DENND11: variants seen among roughly 807,000 people sequenced by gnomAD.
DENND11 encodes the protein DENN domain containing 11.
A neutral mutation model predicts 49.2 loss-of-function variants in DENND11; 34 were observed. The observed-to-expected ratio is 0.69, with a 90% CI of 0.53 to 0.92. DENND11 has a LOEUF of 0.92. Among genes scored for constraint, DENND11 ranks in the 40% least tolerant of loss-of-function variants. The pLI, the probability that DENND11 is intolerant of heterozygous loss-of-function variation, is 0.00. For synonymous variants in DENND11, 238 were observed against 230.3 expected, an observed-to-expected ratio of 1.03 and a Z score of -0.30; for missense variants, 475 against 581.6, an observed-to-expected ratio of 0.82 and a Z score of 1.88.
rs1293887596 is a variant in DENND11 at position 141,702,163 on chromosome 7, A to AGGCGGAGCCGCGGGCGCGAGG, written c.-11_-10insCCTCGCGCCCGCGGCTCCGCC. 3 of 940,554 alleles carry AGGCGGAGCCGCGGGCGCGAGG rather than the reference A, an allele frequency of 3.2e-6. No homozygotes were observed. Among genetic ancestry groups the AGGCGGAGCCGCGGGCGCGAGG allele is most frequent in the East Asian group, 1.2e-4 (1 of 8,578 alleles). 58.3% of individuals were successfully genotyped at this position (940,554 alleles called of 1,614,324 possible). A position where few individuals can be genotyped will look rare whatever the true frequency, so the allele number is the denominator to read the frequency against. On this transcript the variant is annotated 5_prime_UTR_variant, in exon 1 of 9. Coordinates refer to ENST00000536163, the MANE Select transcript of DENND11 (RefSeq NM_001080392.2). ...CTCCCTGCTCCACCATGGCTAGGCG[A>AGGCGGAGCCGCGGGCGCGAGG]GGCGGAGCCGCGGGCGCGAGGGGCG...
intron 3 of DENND11, among the ~76,000 whole-genome samples, chr7:141,681,801 C>G (rs1798150677): frequency 6.6e-6 from 1 of 152,166 alleles, no homozygotes; most frequent in Non-Finnish European, 1.5e-5. Context: ...TAAAGCTGTA[C>G]AGCCTCAAGA....
chr7:141,679,161 G>A (rs539516583), intron 3 of DENND11, among the ~76,000 whole-genome samples: 5 of 152,246 alleles, frequency 3.3e-5, no homozygotes, highest in East Asian at 3.9e-4. Context: ...ATCTAACTGT[G>A]CTTCTTTCTT....
At chr7:141,670,347 G>A (rs894547736) in intron 4 of DENND11, among the ~76,000 whole-genome samples, 1 of 152,032 alleles carries the variant, frequency 6.6e-6, no homozygotes, top group African/African-American at 2.4e-5. Flanking sequence ...ATGTACAGTC[G>A]GCTGGCCCTC....
intron 1 of DENND11, among the ~76,000 whole-genome samples, chr7:141,700,033 T>C (rs1798481959): frequency 6.6e-6 from 1 of 152,196 alleles, no homozygotes; most frequent in African/African-American, 2.4e-5. Flanking sequence ...CTTTTATCAA[T>C]TGATAGATAT....
Position 141,658,081 on chromosome 7 carries a change from AC to A in DENND11, c.*4574del, listed in dbSNP as rs1797726062. 1 of 152,186 alleles carries A rather than the reference AC, an allele frequency of 6.6e-6. No homozygotes were observed. The highest frequency in any genetic ancestry group is 1.5e-5 in the Non-Finnish European group (1 of 68,030). 9.4% of individuals were successfully genotyped at this position (152,186 alleles called of 1,614,324 possible). On this transcript the variant is annotated 3_prime_UTR_variant, in exon 9 of 9. Coordinates refer to ENST00000536163, the MANE Select transcript of DENND11 (RefSeq NM_001080392.2). ...CTCTCCAAATTATTTACATAGTAAAACTTCTATGGGGTCTCAGCCACCACCA... is the reference window on the plus strand; with the variant it reads ...CTCTCCAAATTATTTACATAGTAAAATTCTATGGGGTCTCAGCCACCACCA...
At chr7:141,687,929 C>T (rs1021231677) in intron 1 of DENND11, among the ~76,000 whole-genome samples, 7 of 151,998 alleles carry the variant, frequency 4.6e-5, no homozygotes, top group African/African-American at 7.2e-5. Context: ...CCACCGCACC[C>T]GGCCATGCCC....
chr7:141,661,650 C>G lies in DENND11; in HGVS notation c.*1006G>C, dbSNP rs1295045110. 1 of 152,196 alleles carries G rather than the reference C, an allele frequency of 6.6e-6. No individual in the cohort carries two copies. The highest frequency in any genetic ancestry group is 1.5e-5 in the Non-Finnish European group (1 of 68,056). The allele number at this position is 152,196 out of a possible 1,614,324, so 9.4% of individuals were successfully genotyped here. A position where few individuals can be genotyped will look rare whatever the true frequency, so the allele number is the denominator to read the frequency against. ...ACCCTCTGAGTTAACCAGCTCAGAT[C>G]CTTGCTAGATTTTGGAATCCAGTAA... On this transcript the variant is annotated 3_prime_UTR_variant, in exon 9 of 9. Coordinates refer to ENST00000536163, the MANE Select transcript of DENND11 (RefSeq NM_001080392.2).
chr7:141,661,188 C>T lies in DENND11; in HGVS notation c.*1468G>A, dbSNP rs1797787152. ...GGTGTTGGTCACAGACATGGATGCA[C>T]TGACGGCTATTCCCATAACCGAGCC... On this transcript the variant is annotated 3_prime_UTR_variant, in exon 9 of 9. Transcript: ENST00000536163. 6.6e-6 allele frequency: 1 copy of T among 152,154 alleles called. No individual in the cohort carries two copies. The allele number at this position is 152,154 out of a possible 1,614,324, so 9.4% of individuals were successfully genotyped here. A position where few individuals can be genotyped will look rare whatever the true frequency, so the allele number is the denominator to read the frequency against.
chr7:141,674,334 G>A (rs1798033498), intron 3 of DENND11, 114 bp from the exon 4 acceptor site: 5 of 1,406,634 alleles, frequency 3.6e-6, no homozygotes, highest in South Asian at 3.2e-5. Context: ...AACACTCAGG[G>A]GCAAAGGCCC....
At chr7:141,701,567 T>C in intron 1 of DENND11, 1 of 181,758 alleles carries the variant, frequency 5.5e-6, no homozygotes, top group East Asian at 1.4e-4. Context: ...GGATGCCCTG[T>C]CACTGAAGTG....
intron 8 of DENND11, 146 bp from the exon 9 acceptor site, chr7:141,662,997 G>A (rs1587198112): frequency 1.9e-6 from 1 of 536,974 alleles, no homozygotes; most frequent in Non-Finnish European, 3.0e-6. Flanking sequence ...AAAAAGAAAA[G>A]AGTAAAAGTT....
In DENND11 at chr7:141,664,966, C is replaced by T. The variant is rs529325503; in HGVS notation, c.1041G>A (p.Leu347=). The T allele has an allele frequency of 1.3e-5, 21 of 1,613,758 alleles. No individual in the cohort carries two copies. The East Asian group carries it at 4.2e-4, about 33-fold the overall frequency. The change falls in exon 7 of 9, where the codon CTG becomes CTA. Residue 347 remains leucine (L), a synonymous_variant. Coordinates refer to ENST00000536163, the MANE Select transcript of DENND11 (RefSeq NM_001080392.2). ...NQNVKTHHDH[L]QPLLKINSAD... is the part of the protein sequence containing the mutation. ...CACTGTTGATCTTCAGCAGCGGCTG[C>T]AGGTGGTCGTGGTGTGTCTTCACAT...
chr7:141,684,871 T>C (rs970279907), intron 3 of DENND11, among the ~76,000 whole-genome samples: 3 of 151,574 alleles, frequency 2.0e-5, no homozygotes, highest in African/African-American at 4.8e-5. Context: ...TTTTGCTGCT[T>C]CTGTTAAAAA....
intron 4 of DENND11, among the ~76,000 whole-genome samples, chr7:141,667,437 C>T (rs1465728558): frequency 6.6e-6 from 1 of 152,166 alleles, no homozygotes; most frequent in Admixed American, 6.5e-5. Flanking sequence ...TCATCACCTA[C>T]CTCGTAGGGT....
rs1369753059 is a variant in DENND11, at chr7:141,671,494, G to A, written c.681+2573C>T. Among the ~76,000 whole-genome samples, 14 of 152,212 alleles carry A rather than the reference G, an allele frequency of 9.2e-5. 1 individual carries two copies. The East Asian group carries it at 2.5e-3, about 27-fold the overall frequency. ...GCCTGGCCGTTTTTTATTTTGATGTGCTGACATATTGTTTTGTAAAAAGAA... is the reference window on the plus strand; with the variant it reads ...GCCTGGCCGTTTTTTATTTTGATGTACTGACATATTGTTTTGTAAAAAGAA... On this transcript the variant is annotated intron_variant, in intron 4 of 8. Transcript: ENST00000536163.
At chr7:141,683,296 A>C (rs181860591) in intron 3 of DENND11, among the ~76,000 whole-genome samples, 2 of 152,224 alleles carry the variant, frequency 1.3e-5, no homozygotes, top group African/African-American at 4.8e-5. Flanking sequence ...CTATCTATTG[A>C]GCAAAGGGGA....
Position 141,660,855 on chromosome 7 carries a change from T to C in DENND11, c.*1801A>G, listed in dbSNP as rs879375822. 2.0e-5 allele frequency: 3 copies of C among 152,654 alleles called. No homozygotes were observed. The highest frequency in any genetic ancestry group is 4.8e-5 in the African/African-American group (2 of 41,456). The allele number at this position is 152,654 out of a possible 1,614,324, so 9.5% of individuals were successfully genotyped here. A position where few individuals can be genotyped will look rare whatever the true frequency, so the allele number is the denominator to read the frequency against. On this transcript the variant is annotated 3_prime_UTR_variant, in exon 9 of 9. Coordinates refer to ENST00000536163, the MANE Select transcript of DENND11 (RefSeq NM_001080392.2). ...TCGAAACACAGATTTTTTTTTCTTT[T>C]GTAAACATACACATTACTGAAATGA...
intron 1 of DENND11, among the ~76,000 whole-genome samples, chr7:141,691,603 C>T (rs758932738): frequency 1.3e-5 from 2 of 152,220 alleles, no homozygotes; most frequent in African/African-American, 4.8e-5. Flanking sequence ...CCTAGGTGGA[C>T]ATAAGCCCAT....
At position 141,693,575 on chromosome 7, in the gene DENND11, A is replaced by G. The variant is rs139970635; in HGVS notation, c.269-6917T>C. Among the ~76,000 whole-genome samples the G allele has an allele frequency of 4.5e-3, 685 of 152,338 alleles. 9 individuals carry two copies. The highest frequency in any genetic ancestry group is 0.016 in the African/African-American group (646 of 41,576). On this transcript the variant is annotated intron_variant, in intron 1 of 8. Coordinates refer to ENST00000536163, the MANE Select transcript of DENND11 (RefSeq NM_001080392.2). ...CAGCAGCTTTATTCACAATGGCCCA[A>G]AACTGGAAAACAACCATGATGTCCT... is the stretch of plus-strand genomic sequence containing the variant.
Sources: gnomAD v4.1 joint callset for allele counts (sites outside exome capture counted in the v4.1 genomes callset) on GRCh38, gnomAD v4.1.1 for gene constraint, MANE v1.5 for transcripts, NCBI Gene and HGNC (gene_info 2026-07-23, HGNC 2026-07-21) for gene names.